BIN1: variants seen among roughly 807,000 people sequenced by gnomAD.
BIN1 encodes the protein bridging integrator 1.
BIN1 carries 53 observed loss-of-function variants against 82.0 expected under a neutral mutation model. The ratio of observed to expected loss-of-function variants is 0.65; its 90% CI spans 0.52 to 0.81. The LOEUF is 0.81. Ranked by LOEUF, BIN1 falls within the 40% of genes least tolerant of loss-of-function variation. The probability of loss-of-function intolerance (pLI) is 0.00; values close to 1 mark genes in which losing one functional copy is unlikely to be tolerated. For missense variants in BIN1, 642 were observed against 784.4 expected (o/e 0.82, Z 2.17); for synonymous variants, 302 against 328.0 (o/e 0.92, Z 0.86).
At chr2:127,074,887 G>C (rs983261068) in intron 2 of BIN1, among the ~76,000 whole-genome samples, 8 of 152,142 alleles carry the variant, frequency 5.3e-5, no homozygotes, top group Non-Finnish European at 8.8e-5. Context: ...ATTTTTAGTA[G>C]AGGCGGGGTT....
chr2:127,072,688 C>A (rs1686050377), intron 2 of BIN1, among the ~76,000 whole-genome samples: 2 of 152,046 alleles, frequency 1.3e-5, no homozygotes, highest in Non-Finnish European at 2.9e-5. Context: ...ACTGGCTAAT[C>A]ATCATCTTTA....
At chr2:127,052,589 C>A (rs988815972) in intron 14 of BIN1, 7 of 572,800 alleles carry the variant, frequency 1.2e-5, no homozygotes, top group Non-Finnish European at 2.2e-5. Flanking sequence ...TCAGCACCTA[C>A]CGAAATCCAC....
intron 18 of BIN1, 65 bp from the exon 19 acceptor site, chr2:127,048,698 C>A: frequency 6.8e-7 from 1 of 1,474,486 alleles, no homozygotes. Flanking sequence ...GGGCACGCAT[C>A]CCACTCCAAC....
intron 15 of BIN1, among the ~76,000 whole-genome samples, chr2:127,051,955 T>G (rs1299091643): frequency 6.6e-6 from 1 of 152,204 alleles, no homozygotes; most frequent in Non-Finnish European, 1.5e-5. Context: ...GAAGATTAAA[T>G]GAGAAGATTC....
rs746393271 is a variant in BIN1, at chr2:127,059,149, G to A, written c.864C>T (p.Asn288=). 6 of 1,576,558 alleles carry A rather than the reference G, an allele frequency of 3.8e-6. No homozygotes were observed. The highest frequency in any genetic ancestry group is 4.6e-5 in the East Asian group (2 of 43,170). ...TFTVKAQPSD[N]APAKGNKSPS... is the part of the protein sequence containing the mutation. ...GGCTCTTGTTCCCTTTTGCAGGCGCGTTGTCACTGTGGGGGAGGACAAGAA... is the reference window on the plus strand; with the variant it reads ...GGCTCTTGTTCCCTTTTGCAGGCGCATTGTCACTGTGGGGGAGGACAAGAA... Residue 288 remains asparagine (N), a synonymous_variant, in exon 11 of 19, where the codon AAC becomes AAT. Transcript: ENST00000316724. The surrounding 1 kb of genome is among the most constrained non-coding windows in gnomAD (Gnocchi z 6.7).
chr2:127,083,363 A>G (rs1687548806), intron 1 of BIN1, among the ~76,000 whole-genome samples: 1 of 152,100 alleles, frequency 6.6e-6, no homozygotes, highest in South Asian at 2.1e-4. Context: ...TTGCAGGTAC[A>G]AGCCACCGTG....
chr2:127,082,235 G>T lies in BIN1; in HGVS notation c.85-5529C>A, dbSNP rs778006613. Among the ~76,000 whole-genome samples, 1 of 150,826 alleles carries T rather than the reference G, an allele frequency of 6.6e-6. No homozygotes were observed. The highest frequency in any genetic ancestry group is 2.0e-4 in the East Asian group (1 of 5,072). On this transcript the variant is annotated intron_variant, in intron 1 of 18. Coordinates refer to ENST00000316724, the MANE Select transcript of BIN1 (RefSeq NM_139343.3). This position sits in a 1 kb window ranked among gnomAD's most constrained non-coding sequence, Gnocchi z 6.1. Reference sequence around the variant, plus strand: ...AATCTTTCCTTGCCCCTCCTCCTCCGTCGTCTCCCACACACAGCTCGGGTC... The same window carrying T: ...AATCTTTCCTTGCCCCTCCTCCTCCTTCGTCTCCCACACACAGCTCGGGTC...
rs951743226 is a variant in BIN1 at position 127,090,742 on chromosome 2, G to A, written c.85-14036C>T. ...GCAGCCAGGGCAGGGGAGGGGGAAG[G>A]TCTGGCCAGCACCCACCTGCCTTGG... On this transcript the variant is annotated intron_variant, in intron 1 of 18. Coordinates refer to ENST00000316724, the MANE Select transcript of BIN1 (RefSeq NM_139343.3). This position sits in a 1 kb window ranked among gnomAD's most constrained non-coding sequence, Gnocchi z 6.4. Among the ~76,000 whole-genome samples the A allele has an allele frequency of 2.0e-5, 3 of 152,192 alleles. No homozygotes were observed. Among genetic ancestry groups the A allele is most frequent in the African/African-American group, 7.2e-5 (3 of 41,442 alleles).
At chr2:127,086,828 T>C (rs1678231584) in intron 1 of BIN1, among the ~76,000 whole-genome samples, 1 of 147,864 alleles carries the variant, frequency 6.8e-6, no homozygotes, top group Admixed American at 6.8e-5. Flanking sequence ...TTTTAACAAG[T>C]CCATGACCCC....
intron 7 of BIN1, among the ~76,000 whole-genome samples, chr2:127,065,121 C>T (rs952527873): frequency 2.0e-5 from 3 of 152,230 alleles, no homozygotes; most frequent in Non-Finnish European, 4.4e-5. Context: ...AGCCAGCTGT[C>T]CCATCCAGCC....
At chr2:127,049,698 C>A (rs563540711) in intron 18 of BIN1, among the ~76,000 whole-genome samples, 246 of 152,322 alleles carry the variant, frequency 1.6e-3, no homozygotes, top group African/African-American at 5.5e-3. Context: ...ACAAGCAAAG[C>A]TGGCTCTACA....
intron 1 of BIN1, among the ~76,000 whole-genome samples, chr2:127,089,720 C>A (rs1414370053): frequency 6.6e-6 from 1 of 152,108 alleles, no homozygotes; most frequent in East Asian, 1.9e-4. Flanking sequence ...TGGCCAGGAA[C>A]CCCTTCTGGT....
At chr2:127,074,252 G>A (rs918071673) in intron 2 of BIN1, among the ~76,000 whole-genome samples, 8 of 151,958 alleles carry the variant, frequency 5.3e-5, no homozygotes, top group Non-Finnish European at 1.0e-4. Context: ...CCCAACAACA[G>A]TGACCTTCAC....
At chr2:127,052,699 G>A (rs1481014673) in intron 14 of BIN1, 1 of 372,008 alleles carries the variant, frequency 2.7e-6, no homozygotes, top group Admixed American at 4.2e-5. Context: ...CAGGAGCCTG[G>A]GCTGCCAGCG....
At chr2:127,075,924 A>G (rs1204770645) in intron 2 of BIN1, among the ~76,000 whole-genome samples, 4 of 115,546 alleles carry the variant, frequency 3.5e-5, no homozygotes, top group Non-Finnish European at 7.1e-5. Context: ...CTCTCCCAGA[A>G]TGCTCCCAGC....
chr2:127,092,758 G>T (rs780775217), intron 1 of BIN1, among the ~76,000 whole-genome samples: 3 of 152,162 alleles, frequency 2.0e-5, no homozygotes, highest in Admixed American at 6.5e-5. Context: ...CAAAGCTCCC[G>T]GGGAAGGGCC....
At position 127,068,228 on chromosome 2, in the gene BIN1, G is replaced by A; in HGVS notation, c.547C>T (p.Pro183Ser). ...TGCAGTTTGCCTTGGCACCACTGGGGGGCGGCTTTCTCAAGCAGCGAGACA... is the reference window on the plus strand; with the variant it reads ...TGCAGTTTGCCTTGGCACCACTGGGAGGCGGCTTTCTCAAGCAGCGAGACA... ...KPVSLLEKAA[P>S]QWCQGKLQAH... Residue 183 changes from proline to serine, a missense_variant, in exon 7 of 19, where the codon CCC (proline) becomes TCC (serine). Physicochemically the swap from Pro to Ser is moderately conservative, Grantham distance 74. Coordinates refer to ENST00000316724, the MANE Select transcript of BIN1 (RefSeq NM_139343.3). This position sits in a 1 kb window ranked among gnomAD's most constrained non-coding sequence, Gnocchi z 4.9. The A allele has an allele frequency of 3.7e-6, 6 of 1,613,620 alleles. No homozygotes were observed. Among genetic ancestry groups the A allele is most frequent in the Non-Finnish European group, 4.2e-6 (5 of 1,179,978 alleles).
intron 7 of BIN1, among the ~76,000 whole-genome samples, chr2:127,065,840 T>C (rs932172609): frequency 1.3e-5 from 2 of 152,202 alleles, no homozygotes; most frequent in African/African-American, 4.8e-5. Flanking sequence ...GTGTCTTGTA[T>C]TCCCTTTGGG....
chr2:127,060,787 G>T, intron 10 of BIN1: 1 of 1,104,614 alleles, frequency 9.1e-7, no homozygotes, highest in Non-Finnish European at 1.3e-6. Context: ...CCTTGCACAG[G>T]GCCTGGGCGT....
Sources: allele counts gnomAD v4.1 joint callset (sites outside exome capture counted in the v4.1 genomes callset), GRCh38; gene constraint gnomAD v4.1.1; non-coding constraint Gnocchi (gnomAD v3.1); transcripts MANE v1.5; gene names NCBI Gene and HGNC (gene_info 2026-07-23, HGNC 2026-07-21).